KCNJ15: variants seen among roughly 807,000 people sequenced by gnomAD.
KCNJ15 encodes the protein ATP-sensitive inward rectifier potassium channel 15.
KCNJ15 carries 14 observed loss-of-function variants against 23.0 expected under a neutral mutation model. The observed-to-expected ratio is 0.61, with a 90% CI of 0.40 to 0.95. KCNJ15 has a LOEUF of 0.95. Among genes scored for constraint, KCNJ15 ranks in the 40% least tolerant of loss-of-function variants. The pLI is 0.00. For synonymous variants in KCNJ15, 185 were observed against 183.2 expected (o/e 1.01, Z -0.08); for missense variants, 388 against 461.8 (o/e 0.84, Z 1.46).
At position 38,302,484 on chromosome 21, in the gene KCNJ15, T is replaced by G. The variant is rs183347118; in HGVS notation, c.*2095T>G. 1 of 151,966 alleles carries G rather than the reference T, an allele frequency of 6.6e-6. No individual in the cohort carries two copies. The highest frequency in any genetic ancestry group is 2.4e-5 in the African/African-American group (1 of 41,408). The allele number at this position is 151,966 out of a possible 1,614,324, so 9.4% of individuals were successfully genotyped here. ...TGTTGTCTTTAATTATTTAGAAGGT[T>G]TTTTTTTCCTTGTCTGTTGATAATT... On this transcript the variant is annotated 3_prime_UTR_variant, in exon 3 of 3. Transcript: ENST00000398938.
intron 1 of KCNJ15, among the ~76,000 whole-genome samples, chr21:38,262,289 G>A (rs1351597581): frequency 6.6e-6 from 1 of 152,284 alleles, no homozygotes; most frequent in East Asian, 1.9e-4. Flanking sequence ...GAATCCTGGA[G>A]CACCTGGCTG....
intron 1 of KCNJ15, among the ~76,000 whole-genome samples, chr21:38,244,494 C>G (rs1979232079): frequency 6.6e-6 from 1 of 152,206 alleles, no homozygotes; most frequent in Non-Finnish European, 1.5e-5. Context: ...AAACTAACTT[C>G]CGCATCTCCT....
At chr21:38,255,949 A>G (rs539489152), upstream of KCNJ15, among the ~76,000 whole-genome samples, 3 of 152,314 alleles carry the variant, frequency 2.0e-5, no homozygotes, top group African/African-American at 4.8e-5. Flanking sequence ...CCCATGGGAA[A>G]CAGACCGTTT....
At chr21:38,291,914 A>T (rs965605274) in intron 1 of KCNJ15, among the ~76,000 whole-genome samples, 2 of 152,246 alleles carry the variant, frequency 1.3e-5, no homozygotes, top group Admixed American at 6.5e-5. Flanking sequence ...ATTAGTACTT[A>T]CTTCAGAGTC....
intron 1 of KCNJ15, chr21:38,238,731 G>C (rs1568980006): frequency 7.8e-6 from 3 of 385,578 alleles, no homozygotes; most frequent in Non-Finnish European, 1.5e-5. Context: ...AGAGGAAGTT[G>C]TTTTCCCCAC....
chr21:38,291,913 T>C (rs935209527), intron 1 of KCNJ15, among the ~76,000 whole-genome samples: 1 of 152,252 alleles, frequency 6.6e-6, no homozygotes, highest in Admixed American at 6.5e-5. Flanking sequence ...TATTAGTACT[T>C]ACTTCAGAGT....
chr21:38,271,489 G>A (rs937723571), intron 1 of KCNJ15, among the ~76,000 whole-genome samples: 2 of 152,192 alleles, frequency 1.3e-5, no homozygotes, highest in African/African-American at 2.4e-5. Flanking sequence ...AGGAGTGAGT[G>A]GAAAGTGAAA....
At chr21:38,269,879 C>T (rs542152908) in intron 1 of KCNJ15, among the ~76,000 whole-genome samples, 2 of 151,980 alleles carry the variant, frequency 1.3e-5, no homozygotes, top group African/African-American at 4.8e-5. Flanking sequence ...ACCACTGTTG[C>T]ACCCTGGGGT....
rs917949545 is a variant in KCNJ15, at chr21:38,306,514, A to AT, written c.*6132dup. On this transcript the variant is annotated 3_prime_UTR_variant, in exon 3 of 3. Transcript: ENST00000398938. ...GATTGGAGGGAAGTTCAAAGGGAAG[A>AT]TTTTTTTCATTCACTGTAGTTTTAG... 1.3e-5 allele frequency: 2 copies of AT among 152,306 alleles called. No homozygotes were observed. The highest frequency in any genetic ancestry group is 2.4e-5 in the African/African-American group (1 of 41,570). 9.4% of individuals were successfully genotyped at this position (152,306 alleles called of 1,614,324 possible). A position where few individuals can be genotyped will look rare whatever the true frequency, so the allele number is the denominator to read the frequency against.
rs1985465972 is a variant in KCNJ15, at chr21:38,299,070, G to T, written c.-18-174G>T. 6.6e-6 allele frequency among the ~76,000 whole-genome samples: 1 copy of T among 152,166 alleles called. No individual in the cohort carries two copies. The highest frequency in any genetic ancestry group is 1.5e-5 in the Non-Finnish European group (1 of 68,028). ...CGGTCTGCTTTTCTGCAAAGCCTCTGCTCCTCACTCTACCCTACCGACCAC... is the reference window on the plus strand; with the variant it reads ...CGGTCTGCTTTTCTGCAAAGCCTCTTCTCCTCACTCTACCCTACCGACCAC... On this transcript the variant is annotated intron_variant, in intron 2 of 2. Coordinates refer to ENST00000398938, the MANE Select transcript of KCNJ15 (RefSeq NM_170736.3). The surrounding 1 kb of genome is among the most constrained non-coding windows in gnomAD (Gnocchi z 4.5).
At chr21:38,259,142 A>G (rs1980606934) in intron 1 of KCNJ15, among the ~76,000 whole-genome samples, 4 of 152,194 alleles carry the variant, frequency 2.6e-5, no homozygotes, top group Admixed American at 2.6e-4. Flanking sequence ...TTCGGATTTA[A>G]TCAGTACATG....
chr21:38,230,976 G>C (rs1988720525), intron 1 of KCNJ15, among the ~76,000 whole-genome samples: 1 of 151,990 alleles, frequency 6.6e-6, no homozygotes, highest in Non-Finnish European at 1.5e-5. Flanking sequence ...AATTTTGATA[G>C]GTATTGCATT....
Position 38,299,931 on chromosome 21 carries a change from G to C in KCNJ15, c.670G>C (p.Glu224Gln). Residue 224 changes from glutamate (E) to glutamine (Q), a missense_variant, in exon 3 of 3, where the codon GAG (glutamate) becomes CAG (glutamine). Physicochemically the swap from Glu to Gln is conservative, Grantham distance 29. Coordinates refer to ENST00000398938, the MANE Select transcript of KCNJ15 (RefSeq NM_170736.3). The surrounding 1 kb of genome is among the most constrained non-coding windows in gnomAD (Gnocchi z 4.5). The part of the protein sequence containing the change: ...GKLLQTHVTK[E>Q]GERILLNQAT... ...GCTCCTGCAGACCCACGTCACCAAG[G>C]AGGGGGAGCGGATTCTCCTCAACCA... 1 of 1,614,066 alleles carries C rather than the reference G, an allele frequency of 6.2e-7. No homozygotes were observed. The highest frequency in any genetic ancestry group is 8.5e-7 in the Non-Finnish European group (1 of 1,180,032).
rs8133557 is a variant in KCNJ15 at position 38,288,030 on chromosome 21, G to A, written c.-116-8896G>A. 2.5e-5 allele frequency among the ~76,000 whole-genome samples: 2 copies of A among 81,424 alleles called. 1 individual carries two copies. The highest frequency in any genetic ancestry group is 1.0e-3 in the South Asian group (2 of 1,996). 53.4% of individuals were successfully genotyped at this position (81,424 alleles called of 152,430 possible). A position where few individuals can be genotyped will look rare whatever the true frequency, so the allele number is the denominator to read the frequency against. On this transcript the variant is annotated intron_variant, in intron 1 of 2. Transcript: ENST00000398938. ...TGTTAAATAACTTGTTTTTTTCTTT[G>A]TTTTTTTTTTTTTTTTTTTTTTTTT...
chr21:38,241,503 T>A (rs925821774), intron 1 of KCNJ15, among the ~76,000 whole-genome samples: 1 of 152,196 alleles, frequency 6.6e-6, no homozygotes, highest in Non-Finnish European at 1.5e-5. Context: ...CTCGTGCAAA[T>A]GAACTTGGCC....
chr21:38,244,683 G>A (rs1265842866), intron 1 of KCNJ15, among the ~76,000 whole-genome samples: 2 of 152,036 alleles, frequency 1.3e-5, no homozygotes, highest in African/African-American at 2.4e-5. Context: ...ATTATCTCTG[G>A]TTCCATCTTA....
intron 1 of KCNJ15, among the ~76,000 whole-genome samples, chr21:38,282,251 G>C (rs1477066987): frequency 6.6e-6 from 1 of 152,070 alleles, no homozygotes; most frequent in African/African-American, 2.4e-5. Context: ...GTCCCTGCTT[G>C]GGTTACTGGT....
In KCNJ15 at chr21:38,303,119, G is replaced by A. The variant is rs1174084977; in HGVS notation, c.*2730G>A. The A allele has an allele frequency of 6.6e-6, 1 of 151,918 alleles. No individual in the cohort carries two copies. Among genetic ancestry groups the A allele is most frequent in the African/African-American group, 2.4e-5 (1 of 41,362 alleles). The allele number at this position is 151,918 out of a possible 1,614,324, so 9.4% of individuals were successfully genotyped here. ...ATATTCAATAAATAGCTCTGAAGTT[G>A]TATCTGATTTGAAACTTACCATTTT... On this transcript the variant is annotated 3_prime_UTR_variant, in exon 3 of 3. Coordinates refer to ENST00000398938, the MANE Select transcript of KCNJ15 (RefSeq NM_170736.3).
intron 1 of KCNJ15, among the ~76,000 whole-genome samples, chr21:38,260,670 T>A (rs1892686): frequency 0.029 from 4,441 of 152,304 alleles, 71 homozygotes; most frequent in South Asian, 0.072. Flanking sequence ...GGACAAAGTT[T>A]TGCATTTTGG....
Sources: allele counts gnomAD v4.1 joint callset (sites outside exome capture counted in the v4.1 genomes callset), GRCh38; gene constraint gnomAD v4.1.1; non-coding constraint Gnocchi (gnomAD v3.1); transcripts MANE v1.5; gene names NCBI Gene and HGNC (gene_info 2026-07-23, HGNC 2026-07-21).